Variants in ADGRB1 observed in about 807,000 individuals in gnomAD.
The protein encoded by ADGRB1 is adhesion G protein-coupled receptor B1, also known as brain-specific angiogenesis inhibitor 1.
A neutral mutation model predicts 175.7 loss-of-function variants in ADGRB1; 36 were observed. The observed-to-expected ratio is 0.20, with a 90% CI of 0.16 to 0.27. The LOEUF (loss-of-function observed/expected upper bound fraction) is 0.27, where lower values mean the gene tolerates loss of function less well. Among genes scored for constraint, ADGRB1 ranks in the 10% least tolerant of loss-of-function variants. The probability of loss-of-function intolerance (pLI) is 1.00; values close to 1 mark genes in which losing one functional copy is unlikely to be tolerated. For missense variants in ADGRB1, 1,731 were observed against 2,255.3 expected (o/e 0.77, Z 4.71); for synonymous variants, 1,054 against 979.4 (o/e 1.08, Z -1.42).
At chr8:142,529,209 TGA>T (rs1349238221) in intron 24 of ADGRB1, among the ~76,000 whole-genome samples, 2 of 152,260 alleles carry the variant, frequency 1.3e-5, no homozygotes, top group South Asian at 2.1e-4. Context: ...TGCATGTGTG[TGA>T]GTGTGCATGC....
rs1345448954 is a variant in ADGRB1 at position 142,511,444 on chromosome 8, C to T, written c.2817+371C>T. Among the ~76,000 whole-genome samples, 1 of 152,112 alleles carries T rather than the reference C, an allele frequency of 6.6e-6. No individual in the cohort carries two copies. Among genetic ancestry groups the T allele is most frequent in the African/African-American group, 2.4e-5 (1 of 41,438 alleles). On this transcript the variant is annotated intron_variant, in intron 18 of 30. Coordinates refer to ENST00000517894, the MANE Select transcript of ADGRB1 (RefSeq NM_001702.3). This position sits in a 1 kb window ranked among gnomAD's most constrained non-coding sequence, Gnocchi z 4.5. ...AGGCGTCGCCTGTGGAGGGGCTACC[C>T]TTTCCCTTGGTCCTCTCCGCCTGCC...
Position 142,522,720 on chromosome 8 carries a change from G to A in ADGRB1, c.3245+10G>A. ...ACAGCACCATGAACTAGTGAGTCGG[G>A]GCATTGGGGGTGTGGTGGATGGCCA... On this transcript the variant is annotated intron_variant, in intron 22 of 30. Transcript: ENST00000517894. The A allele has an allele frequency of 6.7e-7, 1 of 1,499,052 alleles. No homozygotes were observed. The highest frequency in any genetic ancestry group is 2.6e-5 in the East Asian group (1 of 38,230). 92.9% of individuals were successfully genotyped at this position (1,499,052 alleles called of 1,614,324 possible).
At chr8:142,520,126 A>ATGGTGGTGATGG (rs1843698061) in intron 19 of ADGRB1, among the ~76,000 whole-genome samples, 1 of 113,552 alleles carries the variant, frequency 8.8e-6, no homozygotes, top group Non-Finnish European at 1.8e-5. Context: ...TTGTATGATG[A>ATGGTGGTGATGG]TGATGGTGGT....
At chr8:142,520,330 A>G (rs1432072370) in intron 19 of ADGRB1, among the ~76,000 whole-genome samples, 6 of 131,678 alleles carry the variant, frequency 4.6e-5, no homozygotes, top group African/African-American at 8.8e-5. Context: ...CTGTGTTGGT[A>G]ATGGTGATAG....
At chr8:142,513,045 G>A (rs1198949469) in intron 18 of ADGRB1, among the ~76,000 whole-genome samples, 2 of 152,158 alleles carry the variant, frequency 1.3e-5, no homozygotes, top group East Asian at 1.9e-4. Flanking sequence ...GCTGTCGGGG[G>A]GCGCTTCTAG....
At chr8:142,519,081 A>T (rs1843614750) in intron 19 of ADGRB1, among the ~76,000 whole-genome samples, 1 of 151,978 alleles carries the variant, frequency 6.6e-6, no homozygotes, top group African/African-American at 2.4e-5. Context: ...GTCCTGCCTG[A>T]GGGGACAGCA....
At position 142,515,368 on chromosome 8, in the gene ADGRB1, A is replaced by G. The variant is rs1177878950; in HGVS notation, c.2818-2770A>G. Among the ~76,000 whole-genome samples, 3 of 152,146 alleles carry G rather than the reference A, an allele frequency of 2.0e-5. No individual in the cohort carries two copies. In the South Asian group the frequency reaches 6.2e-4, roughly 31 times the overall value. ...CCAGGCCACCGCCCATCCCTTCTTC[A>G]TCGCCTGGAACCTGCTGAGCAACGG... On this transcript the variant is annotated intron_variant, in intron 18 of 30. Transcript: ENST00000517894.
intron 2 of ADGRB1, among the ~76,000 whole-genome samples, chr8:142,468,678 C>G (rs962546632): frequency 6.6e-6 from 1 of 152,238 alleles, no homozygotes; most frequent in African/African-American, 2.4e-5. Context: ...GAAGTCTTCC[C>G]TAGAGACCCG....
rs751308995 is a variant in ADGRB1 at position 142,477,147 on chromosome 8, G to A, written c.1091G>A (p.Ser364Asn). ...GCAGCCGAGGAGTGGTCCCCGTGGAGCGTGTGCTCCAGCACCTGCGGCGAG... is the reference window on the plus strand; with the variant it reads ...GCAGCCGAGGAGTGGTCCCCGTGGAACGTGTGCTCCAGCACCTGCGGCGAG... Reference protein sequence around the residue: ...DPAAEEWSPWSVCSSTCGEGW... With the variant: ...DPAAEEWSPWNVCSSTCGEGW... Residue 364 changes from serine to asparagine, a missense_variant, in exon 5 of 31, where the codon AGC (serine) becomes AAC (asparagine). Transcript: ENST00000517894. 1 of 1,590,632 alleles carries A rather than the reference G, an allele frequency of 6.3e-7. No homozygotes were observed. Among genetic ancestry groups the A allele is most frequent in the Non-Finnish European group, 8.5e-7 (1 of 1,175,598 alleles).
rs768111610 is a variant in ADGRB1, at chr8:142,474,824, C to T, written c.785-650C>T. Among the ~76,000 whole-genome samples the T allele has an allele frequency of 1.1e-4, 16 of 152,082 alleles. 1 individual carries two copies. Among genetic ancestry groups the T allele is most frequent in the Non-Finnish European group, 2.2e-4 (15 of 67,984 alleles). On this transcript the variant is annotated intron_variant, in intron 2 of 30. Coordinates refer to ENST00000517894, the MANE Select transcript of ADGRB1 (RefSeq NM_001702.3). The surrounding 1 kb of genome is among the most constrained non-coding windows in gnomAD (Gnocchi z 5.8). ...CGGGGAGGCGCCTGCAGGCATTTAT[C>T]CCAGGCTCCCTCCTCGGGTGGCCAG... is the stretch of plus-strand genomic sequence containing the variant.
chr8:142,516,254 G>T lies in ADGRB1; in HGVS notation c.2818-1884G>T, dbSNP rs530978872. Among the ~76,000 whole-genome samples, 132 of 145,512 alleles carry T rather than the reference G, an allele frequency of 9.1e-4. 1 individual carries two copies. The highest frequency in any genetic ancestry group is 1.7e-3 in the Non-Finnish European group (115 of 66,494). ...GTGTGTGTGCGTGTGCGGGCCCCAGGTGCGTGCGTCTGTGCGGGCCCCAGT... is the reference window on the plus strand; with the variant it reads ...GTGTGTGTGCGTGTGCGGGCCCCAGTTGCGTGCGTCTGTGCGGGCCCCAGT... On this transcript the variant is annotated intron_variant, in intron 18 of 30. Coordinates refer to ENST00000517894, the MANE Select transcript of ADGRB1 (RefSeq NM_001702.3).
Position 142,464,809 on chromosome 8 carries a change from A to C in ADGRB1, c.611A>C (p.His204Pro). Residue 204 changes from histidine to proline, a missense_variant, in exon 2 of 31, where the codon CAC becomes CCC. By Grantham distance (77) the His-to-Pro change is moderately conservative. This residue lies in a region of ADGRB1 where 383 missense variants were observed against 383.1 expected (regional missense o/e 1.00). Coordinates refer to ENST00000517894, the MANE Select transcript of ADGRB1 (RefSeq NM_001702.3). ...DACLAGSRSS[H>P]PCGIMQTPCA... Reference sequence around the variant, plus strand: ...TGTCTGGCCGGTAGTCGCAGCTCGCACCCCTGCGGGATCATGCAGACCCCC... The same window carrying C: ...TGTCTGGCCGGTAGTCGCAGCTCGCCCCCCTGCGGGATCATGCAGACCCCC... 1.3e-6 allele frequency: 2 copies of C among 1,534,264 alleles called. No homozygotes were observed. The highest frequency in any genetic ancestry group is 1.7e-6 in the Non-Finnish European group (2 of 1,145,458).
intron 1 of ADGRB1, among the ~76,000 whole-genome samples, chr8:142,457,494 G>C (rs1348372604): frequency 6.6e-6 from 1 of 152,130 alleles, no homozygotes; most frequent in Non-Finnish European, 1.5e-5. Context: ...GGCTGGGCCT[G>C]GCAGGCTCTG....
chr8:142,472,925 C>T (rs1265596772), intron 2 of ADGRB1, among the ~76,000 whole-genome samples: 1 of 152,100 alleles, frequency 6.6e-6, no homozygotes, highest in Non-Finnish European at 1.5e-5. Flanking sequence ...AGTATGTGAC[C>T]AGGGTCAGGC....
intron 1 of ADGRB1, among the ~76,000 whole-genome samples, chr8:142,453,117 C>A (rs952865861): frequency 7.9e-5 from 12 of 151,366 alleles, no homozygotes; most frequent in African/African-American, 2.9e-4. Flanking sequence ...CCGGAGCCCC[C>A]CTCGCCGGCC....
At position 142,475,643 on chromosome 8, in the gene ADGRB1, C is replaced by CGGGCG. The variant is rs1415165508; in HGVS notation, c.946+20_946+24dup. ...ACCGCGAGGCCTGCGGCCGTGAGTG[C>CGGGCG]GGGCGGGGCGGGGCGGAGCCGGAGC... is the stretch of plus-strand genomic sequence containing the variant. On this transcript the variant is annotated intron_variant, in intron 3 of 30. Transcript: ENST00000517894. 1.8e-6 allele frequency: 2 copies of CGGGCG among 1,103,586 alleles called. No individual in the cohort carries two copies. The highest frequency in any genetic ancestry group is 3.4e-5 in the African/African-American group (2 of 58,188). The allele number at this position is 1,103,586 out of a possible 1,614,324, so 68.4% of individuals were successfully genotyped here.
rs963899162 is a variant in ADGRB1, at chr8:142,510,852, C to G, written c.2676-80C>G. The G allele has an allele frequency of 6.4e-3, 5,055 of 793,838 alleles. 30 individuals carry two copies. Among genetic ancestry groups the G allele is most frequent in the Non-Finnish European group, 7.4e-3 (4,828 of 655,868 alleles). The allele number at this position is 793,838 out of a possible 1,614,324, so 49.2% of individuals were successfully genotyped here. Reference sequence around the variant, plus strand: ...GGCCGGGGCCGGGGCGCGGAGCCGCCGCTCGGGGGCCGGGGCGCCCGCGTC... The same window carrying G: ...GGCCGGGGCCGGGGCGCGGAGCCGCGGCTCGGGGGCCGGGGCGCCCGCGTC... On this transcript the variant is annotated intron_variant, in intron 17 of 30. Transcript: ENST00000517894. The surrounding 1 kb of genome is among the most constrained non-coding windows in gnomAD (Gnocchi z 6.3).
intron 4 of ADGRB1, 85 bp from the exon 5 acceptor site, chr8:142,477,029 G>A: frequency 1.4e-6 from 2 of 1,419,470 alleles, no homozygotes; most frequent in Admixed American, 5.7e-5. Flanking sequence ...CCCCAGCAGG[G>A]CAGCCCTCCT....
rs141657887 is a variant in ADGRB1 at position 142,507,537 on chromosome 8, G to A, written c.2676-3395G>A. On this transcript the variant is annotated intron_variant, in intron 17 of 30. Transcript: ENST00000517894. ...GTCTCTCTCCCTGCCCCCAGAGGCC[G>A]ATAAACGACTCAGCACCCACAGCAG... 7.8e-3 allele frequency among the ~76,000 whole-genome samples: 1,186 copies of A among 152,312 alleles called. 24 individuals are homozygous for A. Among genetic ancestry groups the A allele is most frequent in the African/African-American group, 0.026 (1,100 of 41,566 alleles).
Sources: gnomAD v4.1 joint callset for allele counts (sites outside exome capture counted in the v4.1 genomes callset) on GRCh38, gnomAD v4.1.1 for gene constraint, gnomAD v4.1.1 regional missense constraint, Gnocchi (gnomAD v3.1) non-coding constraint, MANE v1.5 for transcripts, NCBI Gene and HGNC (gene_info 2026-07-23, HGNC 2026-07-21) for gene names.